Variants in NUCB1 observed in about 807,000 individuals in gnomAD.
NUCB1 encodes nucleobindin-1.
NUCB1 carries 47 observed loss-of-function variants against 61.2 expected under a neutral mutation model. That is an observed-to-expected ratio of 0.77 (90% CI 0.61 to 0.98). The LOEUF (loss-of-function observed/expected upper bound fraction) is 0.98. Among genes scored for constraint, NUCB1 ranks in the 50% least tolerant of loss-of-function variants. The probability of loss-of-function intolerance (pLI) is 0.00; values close to 1 mark genes in which losing one functional copy is unlikely to be tolerated. For synonymous variants in NUCB1, 234 were observed against 243.1 expected, an observed-to-expected ratio of 0.96 and a Z score of 0.35; for missense variants, 583 against 605.3, an observed-to-expected ratio of 0.96 and a Z score of 0.39.
chr19:48,922,306 C>T lies in NUCB1; in HGVS notation c.1280-12C>T. 1.2e-6 allele frequency: 2 copies of T among 1,610,294 alleles called. No homozygotes were observed. The highest frequency in any genetic ancestry group is 1.7e-6 in the Non-Finnish European group (2 of 1,176,706). On this transcript the variant is annotated splice_polypyrimidine_tract_variant and intron_variant, in intron 12 of 12. Transcript: ENST00000405315. ...GATGTCCTGTGCCACCATTCCCTCC[C>T]TCCATTTCCAGACGATGTACCTGTC...
At chr19:48,900,561 G>A in intron 1 of NUCB1, 189 bp downstream of exon 1, 2 of 589,004 alleles carry the variant, frequency 3.4e-6, no homozygotes, top group Non-Finnish European at 6.0e-6. Context: ...CTGAGTGTGA[G>A]AGAGGAGCGT....
intron 7 of NUCB1, among the ~76,000 whole-genome samples, chr19:48,914,658 C>T (rs1380833474): frequency 6.6e-6 from 1 of 152,070 alleles, no homozygotes; most frequent in Non-Finnish European, 1.5e-5. Flanking sequence ...AAACAAGATG[C>T]GTCCTGGGCT....
At chr19:48,918,863 C>T (rs775267955) in intron 8 of NUCB1, 79 bp downstream of exon 8, 1 of 1,417,908 alleles carries the variant, frequency 7.1e-7, no homozygotes, top group Admixed American at 1.7e-5. Context: ...CCCCTTAAAT[C>T]CCCCTGGATG....
rs577957808 is a variant in NUCB1, at chr19:48,919,188, C to G, written c.910-6C>G. On this transcript the variant is annotated splice_region_variant and splice_polypyrimidine_tract_variant and intron_variant, in intron 9 of 12. Coordinates refer to ENST00000405315, the MANE Select transcript of NUCB1 (RefSeq NM_006184.6). ...CTCTGTCACTCACCCTTATCTGGCT[C>G]CCCAGGTGGACACCAACCAGGACCG... 3.7e-6 allele frequency: 6 copies of G among 1,614,034 alleles called. No individual in the cohort carries two copies. The East Asian group carries it at 1.1e-4, about 30-fold the overall frequency.
intron 2 of NUCB1, 90 bp downstream of exon 2, chr19:48,901,021 G>A: frequency 6.8e-7 from 1 of 1,464,688 alleles, no homozygotes; most frequent in Non-Finnish European, 9.5e-7. Flanking sequence ...GGATGCTCCA[G>A]TGACTTCCTG....
chr19:48,902,544 C>T (rs950268600), intron 2 of NUCB1, among the ~76,000 whole-genome samples: 1 of 151,266 alleles, frequency 6.6e-6, no homozygotes, highest in African/African-American at 2.4e-5. Flanking sequence ...GTAGCTGGGA[C>T]TGCAGGCATG....
intron 10 of NUCB1, among the ~76,000 whole-genome samples, chr19:48,919,761 AT>A (rs869087543): frequency 0.016 from 1,284 of 81,028 alleles, 26 homozygotes; most frequent in African/African-American, 0.061. Context: ...TAGAGGTGTG[AT>A]TTTTTTTTTT....
At chr19:48,903,107 C>T (rs1170023196) in intron 2 of NUCB1, among the ~76,000 whole-genome samples, 2 of 152,008 alleles carry the variant, frequency 1.3e-5, no homozygotes, top group African/African-American at 2.4e-5. Flanking sequence ...CATGCCTGGC[C>T]TTCTCTCTTT....
chr19:48,915,681 A>G (rs1331579017), intron 7 of NUCB1, among the ~76,000 whole-genome samples: 2 of 152,036 alleles, frequency 1.3e-5, no homozygotes, highest in African/African-American at 4.8e-5. Context: ...TTTAATTTTT[A>G]GTAAAGGCAA....
At position 48,919,193 on chromosome 19, in the gene NUCB1, G is replaced by T. The variant is rs1318165200; in HGVS notation, c.910-1G>T. 6.2e-7 allele frequency: 1 copy of T among 1,613,998 alleles called. No homozygotes were observed. The highest frequency in any genetic ancestry group is 1.7e-5 in the Admixed American group (1 of 59,990). ...TCACTCACCCTTATCTGGCTCCCCA[G>T]GTGGACACCAACCAGGACCGCCTCG... On this transcript the variant is annotated splice_acceptor_variant, in intron 9 of 12. Transcript: ENST00000405315. LOFTEE classifies it high-confidence loss of function.
At position 48,900,331 on chromosome 19, in the gene NUCB1, T is replaced by G; in HGVS notation, c.-53T>G. ...GAAGTCACCAAGAACGCACCGGAGG[T>G]CCTTGCCCGCCCTGGAAAACGCCCT... On this transcript the variant is annotated 5_prime_UTR_variant, in exon 1 of 13. Coordinates refer to ENST00000405315, the MANE Select transcript of NUCB1 (RefSeq NM_006184.6). 6.2e-6 allele frequency: 1 copy of G among 160,132 alleles called. No individual in the cohort carries two copies. Among genetic ancestry groups the G allele is most frequent in the Admixed American group, 6.2e-5 (1 of 16,198 alleles). The allele number at this position is 160,132 out of a possible 1,614,324, so 9.9% of individuals were successfully genotyped here. A position where few individuals can be genotyped will look rare whatever the true frequency, so the allele number is the denominator to read the frequency against.
chr19:48,902,255 C>T (rs571554651), intron 2 of NUCB1, among the ~76,000 whole-genome samples: 3 of 152,144 alleles, frequency 2.0e-5, no homozygotes, highest in East Asian at 1.9e-4. Flanking sequence ...GGACTACAGG[C>T]GCACACCACC....
chr19:48,918,548 C>T lies in NUCB1; in HGVS notation c.758-178C>T, dbSNP rs13347065. The stretch of plus-strand genomic sequence containing the variant: ...CAACCCCCTGGTCGCTAGGCAGTGG[C>T]CCTAGCAACGGGTCTAGTGGGGTAC... On this transcript the variant is annotated intron_variant, in intron 7 of 12. Coordinates refer to ENST00000405315, the MANE Select transcript of NUCB1 (RefSeq NM_006184.6). The T allele has an allele frequency of 4.8e-4, 301 of 627,854 alleles. 1 individual carries two copies. The highest frequency in any genetic ancestry group is 4.6e-3 in the African/African-American group (254 of 54,808). 38.9% of individuals were successfully genotyped at this position (627,854 alleles called of 1,614,324 possible). A position where few individuals can be genotyped will look rare whatever the true frequency, so the allele number is the denominator to read the frequency against.
At chr19:48,912,007 G>T (rs1033817918) in intron 5 of NUCB1, among the ~76,000 whole-genome samples, 1 of 146,430 alleles carries the variant, frequency 6.8e-6, no homozygotes, top group Non-Finnish European at 1.5e-5. Context: ...TTCTTTTTTT[G>T]GTTTATTTTT....
Position 48,921,225 on chromosome 19 carries a change from G to T in NUCB1, c.1074G>T (p.Glu358Asp), listed in dbSNP as rs116992249. Residue 358 changes from glutamate (E) to aspartate (D), a missense_variant, in exon 11 of 13, where the codon GAG (glutamate) becomes GAT (aspartate). Glu to Asp is a conservative substitution (Grantham distance 45, BLOSUM62 2). Coordinates refer to ENST00000405315, the MANE Select transcript of NUCB1 (RefSeq NM_006184.6). ...TTGAAGAGGAGCTGGCTGCCCGGGA[G>T]GCAGAGCTGAATGCCAAGGCCCAGC... ...RRFEEELAAREAELNAKAQRL... is the reference protein window; with the variant it reads ...RRFEEELAARDAELNAKAQRL... 2,388 of 1,613,296 alleles carry T rather than the reference G, an allele frequency of 1.5e-3. 3 individuals are homozygous for T. The highest frequency in any genetic ancestry group is 1.8e-3 in the Non-Finnish European group (2,123 of 1,179,916).
chr19:48,907,910 C>T (rs994862964), intron 4 of NUCB1, among the ~76,000 whole-genome samples: 3 of 152,196 alleles, frequency 2.0e-5, no homozygotes, highest in Non-Finnish European at 2.9e-5. Context: ...GACCTTTGTC[C>T]GTTCGCCCCG....
chr19:48,902,982 G>T (rs368313972), intron 2 of NUCB1, among the ~76,000 whole-genome samples: 5 of 151,656 alleles, frequency 3.3e-5, no homozygotes, highest in Admixed American at 1.3e-4. Context: ...TTGTGCTGGT[G>T]CCCAGGCTGA....
chr19:48,919,101 G>A lies in NUCB1; in HGVS notation c.888G>A (p.Met296Ile), dbSNP rs2037576168. The change falls in exon 9 of 13, where the codon ATG becomes ATA. Residue 296 changes from methionine to isoleucine, a missense_variant. By Grantham distance (10) the Met-to-Ile change is conservative. Coordinates refer to ENST00000405315, the MANE Select transcript of NUCB1 (RefSeq NM_006184.6). ...MREMEEERLR[M>I]REHVMKNVDT... ...AGATGGAGGAGGAGCGACTGCGCAT[G>A]CGGGAGCATGTGATGAAGAATGTGA... is the stretch of plus-strand genomic sequence containing the variant. 6.2e-7 allele frequency: 1 copy of A among 1,614,194 alleles called. No individual in the cohort carries two copies. Among genetic ancestry groups the A allele is most frequent in the East Asian group, 2.2e-5 (1 of 44,890 alleles).
At chr19:48,908,128 CTT>C (rs759173514) in intron 4 of NUCB1, among the ~76,000 whole-genome samples, 13 of 152,078 alleles carry the variant, frequency 8.5e-5, no homozygotes, top group Non-Finnish European at 1.5e-4. Flanking sequence ...AGGCAGAACT[CTT>C]TTGGTTGTTG....
Sources: allele counts gnomAD v4.1 joint callset (sites outside exome capture counted in the v4.1 genomes callset), GRCh38; gene constraint gnomAD v4.1.1; transcripts MANE v1.5; gene names NCBI Gene and HGNC (gene_info 2026-07-23, HGNC 2026-07-21).